Variants in AKNA observed in about 807,000 individuals in gnomAD.
The protein encoded by AKNA is AT-hook transcription factor, also known as microtubule organization protein AKNA.
A neutral mutation model predicts 138.8 loss-of-function variants in AKNA; 67 were observed. The observed-to-expected ratio is 0.48, with a 90% confidence interval of 0.40 to 0.59. AKNA has a LOEUF of 0.59. Ranked by LOEUF, AKNA falls within the 20% of genes least tolerant of loss-of-function variation. The pLI, the probability that AKNA is intolerant of heterozygous loss-of-function variation, is 0.00. For missense variants in AKNA, 1,813 were observed against 1,880.4 expected, an observed-to-expected ratio of 0.96 and a Z score of 0.66; for synonymous variants, 737 against 754.4, an observed-to-expected ratio of 0.98 and a Z score of 0.38.
At chr9:114,364,518 T>C (rs756833847) in intron 7 of AKNA, 42 bp downstream of exon 7, 2 of 1,601,814 alleles carry the variant, frequency 1.2e-6, no homozygotes, top group African/African-American at 1.3e-5. Flanking sequence ...GAGACAGTGG[T>C]TGTCTGGCAG....
chr9:114,368,506 G>T lies in AKNA; in HGVS notation c.1506C>A (p.Ile502=), dbSNP rs1832538325. 3.6e-6 allele frequency: 5 copies of T among 1,371,544 alleles called. No individual in the cohort carries two copies. The highest frequency in any genetic ancestry group is 4.7e-6 in the Non-Finnish European group (5 of 1,053,268). The allele number at this position is 1,371,544 out of a possible 1,614,324, so 85.0% of individuals were successfully genotyped here. Reference sequence around the variant, plus strand: ...ACCACTCTGCAGAGCGGGGCTGTGGGATGGTGAAGGACAAGACCTTGGTCC... The same window carrying T: ...ACCACTCTGCAGAGCGGGGCTGTGGTATGGTGAAGGACAAGACCTTGGTCC... ...PQGTKVLSFT[I]PQPRSAEWWP... The change falls in exon 5 of 22, where the codon ATC becomes ATA. Residue 502 remains isoleucine, a synonymous_variant. Transcript: ENST00000374088.
chr9:114,355,597 G>C (rs1160383773), intron 14 of AKNA, among the ~76,000 whole-genome samples: 1 of 152,182 alleles, frequency 6.6e-6, no homozygotes, highest in Non-Finnish European at 1.5e-5. Flanking sequence ...GGAATTTTCA[G>C]CTCCATGAAA....
rs151129184 is a variant in AKNA, at chr9:114,337,159, G to A, written c.4215C>T (p.Ala1405=). 2.7e-5 allele frequency: 44 copies of A among 1,610,876 alleles called. No individual in the cohort carries two copies. In the African/African-American group the frequency reaches 3.9e-4, roughly 14 times the overall value. The change falls in exon 22 of 22, where the codon GCC becomes GCT. Residue 1405 remains alanine (A), a synonymous_variant. Coordinates refer to ENST00000374088, the MANE Select transcript of AKNA (RefSeq NM_001317950.2). ...LEELNKALSR[A]VQAAESVRST... ...AGCGGACGCTCTCGGCAGCCTGCAC[G>A]GCCCGGCTCAGGGCCTTGTTGAGCT...
rs1320470212 is a variant in AKNA at position 114,347,781 on chromosome 9, G to A, written c.3341C>T (p.Ala1114Val). The change falls in exon 16 of 22, where the codon GCC (alanine) becomes GTC (valine). Residue 1114 changes from alanine to valine, a missense_variant. Transcript: ENST00000374088. ...TRPASAFDRPARTRGRPADSP... is the reference protein window; with the variant it reads ...TRPASAFDRPVRTRGRPADSP... The stretch of plus-strand genomic sequence containing the variant: ...GTCTGCTGGCCGGCCGCGGGTCCGG[G>A]CGGGGCGGTCAAAGGCAGATGCTGG... The A allele has an allele frequency of 6.5e-7, 1 of 1,548,332 alleles. No homozygotes were observed. Among genetic ancestry groups the A allele is most frequent in the Non-Finnish European group, 8.7e-7 (1 of 1,145,716 alleles).
chr9:114,388,848 G>A (rs1834221302), upstream of AKNA, among the ~76,000 whole-genome samples: 1 of 152,202 alleles, frequency 6.6e-6, no homozygotes, highest in African/African-American at 2.4e-5. Context: ...ATAATTTCAA[G>A]GAGAGAGCTG....
At chr9:114,348,255 C>T (rs1164467910) in intron 15 of AKNA, among the ~76,000 whole-genome samples, 1 of 152,198 alleles carries the variant, frequency 6.6e-6, no homozygotes, top group Admixed American at 6.5e-5. Flanking sequence ...CCATAAAATA[C>T]CAACCTTCAC....
downstream of AKNA, chr9:114,331,424 C>A: frequency 1.6e-6 from 1 of 642,716 alleles, no homozygotes. Context: ...GCAGCAGGGG[C>A]TGGGCACACG....
intron 21 of AKNA, among the ~76,000 whole-genome samples, chr9:114,338,148 G>A (rs973473670): frequency 1.3e-5 from 2 of 152,202 alleles, no homozygotes; most frequent in Non-Finnish European, 2.9e-5. Context: ...GTCATTCATT[G>A]GCATCTTGCT....
In AKNA at chr9:114,347,897, C is replaced by G; in HGVS notation, c.3225G>C (p.Gln1075His). The G allele has an allele frequency of 1.3e-6, 2 of 1,551,582 alleles. No individual in the cohort carries two copies. The highest frequency in any genetic ancestry group is 8.7e-7 in the Non-Finnish European group (1 of 1,147,256). Residue 1075 changes from glutamine (Q) to histidine (H), a missense_variant, in exon 16 of 22, where the codon CAG (glutamine) becomes CAC (histidine). Coordinates refer to ENST00000374088, the MANE Select transcript of AKNA (RefSeq NM_001317950.2). Reference protein sequence around the residue: ...SFLLTRAGRDQAICELQEEVS... With the variant: ...SFLLTRAGRDHAICELQEEVS... Reference sequence around the variant, plus strand: ...CCTCTTCTTGCAGCTCACAGATGGCCTGGCTGGGGTTGGAGTGGAGACAGA... The same window carrying G: ...CCTCTTCTTGCAGCTCACAGATGGCGTGGCTGGGGTTGGAGTGGAGACAGA...
At chr9:114,386,274 G>A (rs897877555) in intron 1 of AKNA, among the ~76,000 whole-genome samples, 1 of 147,104 alleles carries the variant, frequency 6.8e-6, no homozygotes, top group Non-Finnish European at 1.5e-5. Context: ...TTTAAACGGT[G>A]GGGGGTAGTA....
At chr9:114,348,073 A>G (rs1830824182) in intron 15 of AKNA, among the ~76,000 whole-genome samples, 173 bp from the exon 16 acceptor site, 1 of 152,174 alleles carries the variant, frequency 6.6e-6, no homozygotes, top group East Asian at 1.9e-4. Flanking sequence ...TTGCTACACA[A>G]CTTGACACCT....
intron 2 of AKNA, among the ~76,000 whole-genome samples, chr9:114,380,809 A>AC (rs1833587744): frequency 1.9e-5 from 2 of 106,782 alleles, no homozygotes; most frequent in African/African-American, 6.6e-5. Flanking sequence ...CCCCGTCTCT[A>AC]CTAAAAAAAG....
At chr9:114,352,324 G>A (rs1184885181) in intron 14 of AKNA, among the ~76,000 whole-genome samples, 6 of 152,204 alleles carry the variant, frequency 3.9e-5, no homozygotes, top group Admixed American at 6.5e-5. Flanking sequence ...AAGGCCGGGC[G>A]TGGCGGCTCA....
chr9:114,388,363 G>A (rs1448286813), upstream of AKNA, among the ~76,000 whole-genome samples: 1 of 152,194 alleles, frequency 6.6e-6, no homozygotes, highest in Non-Finnish European at 1.5e-5. Context: ...CCTGACCTTA[G>A]CCGAGGCTCC....
chr9:114,382,299 A>C (rs1833743473), intron 1 of AKNA, among the ~76,000 whole-genome samples: 1 of 152,092 alleles, frequency 6.6e-6, no homozygotes. Context: ...ATGATGAAAA[A>C]AGCATTCCAG....
intron 4 of AKNA, 109 bp downstream of exon 4, chr9:114,373,984 C>T (rs186351017): frequency 8.8e-5 from 107 of 1,212,962 alleles, no homozygotes; most frequent in Non-Finnish European, 1.2e-4. Flanking sequence ...TCCACTATCT[C>T]CAGGGCCTCA....
At position 114,342,136 on chromosome 9, in the gene AKNA, A is replaced by G; in HGVS notation, c.3758-11T>C. The G allele has an allele frequency of 6.4e-7, 1 of 1,558,906 alleles. No homozygotes were observed. The highest frequency in any genetic ancestry group is 1.2e-5 in the South Asian group (1 of 84,706). ...CTGTGACAGCACCACCTAGAAGAGG[A>G]GGAAGAGATGTCAGGGGAGGATTAC... On this transcript the variant is annotated splice_polypyrimidine_tract_variant and intron_variant, in intron 19 of 21. Coordinates refer to ENST00000374088, the MANE Select transcript of AKNA (RefSeq NM_001317950.2).
In AKNA at chr9:114,336,019, G is replaced by C. The variant is rs987018471; in HGVS notation, c.*1035C>G. Reference sequence around the variant, plus strand: ...AGAAGCCACCAGAGGGAGGCAGGCAGAGCACCCAACAGGTCCCCTGGGAAA... The same window carrying C: ...AGAAGCCACCAGAGGGAGGCAGGCACAGCACCCAACAGGTCCCCTGGGAAA... On this transcript the variant is annotated 3_prime_UTR_variant, in exon 22 of 22. Transcript: ENST00000374088. 1 of 152,240 alleles carries C rather than the reference G, an allele frequency of 6.6e-6. No homozygotes were observed. The highest frequency in any genetic ancestry group is 1.5e-5 in the Non-Finnish European group (1 of 68,064). The allele number at this position is 152,240 out of a possible 1,614,324, so 9.4% of individuals were successfully genotyped here.
rs147542858 is a variant in AKNA at position 114,384,825 on chromosome 9, C to T, written c.-114+3035G>A. Reference sequence around the variant, plus strand: ...AGCAGATTTTTGACTGCATGAGGCACTCCTAACCCCTGTATTATTCAAGGA... The same window carrying T: ...AGCAGATTTTTGACTGCATGAGGCATTCCTAACCCCTGTATTATTCAAGGA... On this transcript the variant is annotated intron_variant, in intron 1 of 21. Transcript: ENST00000374088. Among the ~76,000 whole-genome samples the T allele has an allele frequency of 3.6e-3, 550 of 152,230 alleles. 4 individuals carry two copies. The highest frequency in any genetic ancestry group is 0.013 in the African/African-American group (526 of 41,524).
Sources: allele counts gnomAD v4.1 joint callset (sites outside exome capture counted in the v4.1 genomes callset), GRCh38; gene constraint gnomAD v4.1.1; transcripts MANE v1.5; gene names NCBI Gene and HGNC (gene_info 2026-07-23, HGNC 2026-07-21).